NUF2: variants seen among roughly 807,000 people sequenced by gnomAD.
NUF2 encodes NUF2 component of NDC80 kinetochore complex.
NUF2 carries 34 observed loss-of-function variants against 61.8 expected under a neutral mutation model. That is an observed-to-expected ratio of 0.55 (90% CI 0.42 to 0.73). The LOEUF (loss-of-function observed/expected upper bound fraction) is 0.73. Among genes scored for constraint, NUF2 ranks in the 30% least tolerant of loss-of-function variants. NUF2 has a pLI of 0.00. For synonymous variants in NUF2, 172 were observed against 181.6 expected, an observed-to-expected ratio of 0.95 and a Z score of 0.42; for missense variants, 445 against 539.1, an observed-to-expected ratio of 0.83 and a Z score of 1.73.
intron 1 of NUF2, among the ~76,000 whole-genome samples, chr1:163,324,198 G>A (rs565425584): frequency 7.6e-4 from 116 of 152,304 alleles, no homozygotes; most frequent in Admixed American, 1.5e-3. Flanking sequence ...CTTAGCAGAG[G>A]TGTAATAGCT....
intron 5 of NUF2, among the ~76,000 whole-genome samples, chr1:163,335,565 G>GT (rs1553231318): frequency 2.0e-3 from 295 of 150,332 alleles, no homozygotes; most frequent in East Asian, 0.018. Context: ...TTTGTTTTTG[G>GT]TTTTTTTTTG....
intron 5 of NUF2, among the ~76,000 whole-genome samples, chr1:163,330,325 G>T (rs1650553255): frequency 6.6e-6 from 1 of 152,108 alleles, no homozygotes; most frequent in Non-Finnish European, 1.5e-5. Context: ...TTCCTGTTTA[G>T]ATTTACTTTG....
chr1:163,335,355 T>A (rs1235082874), intron 5 of NUF2, among the ~76,000 whole-genome samples: 1 of 152,168 alleles, frequency 6.6e-6, no homozygotes, highest in Non-Finnish European at 1.5e-5. Flanking sequence ...ATAGAATTCT[T>A]AGTTGACAGT....
intron 7 of NUF2, among the ~76,000 whole-genome samples, chr1:163,338,469 T>C (rs1650835325): frequency 6.6e-6 from 1 of 151,960 alleles, no homozygotes. Flanking sequence ...TACAACAAAG[T>C]TTTCATTTAT....
chr1:163,325,593 T>C, intron 1 of NUF2, among the ~76,000 whole-genome samples: 1 of 152,224 alleles, frequency 6.6e-6, no homozygotes, highest in East Asian at 1.9e-4. Context: ...ATGTCAAAAC[T>C]GAATACAATT....
At chr1:163,353,930 G>A (rs1651408730) in intron 13 of NUF2, among the ~76,000 whole-genome samples, 1 of 151,992 alleles carries the variant, frequency 6.6e-6, no homozygotes, top group African/African-American at 2.4e-5. Flanking sequence ...TGAAATGGTT[G>A]GTTCAGATAC....
intron 11 of NUF2, 52 bp downstream of exon 11, chr1:163,345,870 G>T (rs1461595257): frequency 7.8e-7 from 1 of 1,283,012 alleles, no homozygotes; most frequent in Non-Finnish European, 1.1e-6. Flanking sequence ...GCTTACTATA[G>T]TTCCTTGTAT....
At chr1:163,339,567 T>C (rs1425291250) in intron 8 of NUF2, 90 bp downstream of exon 8, 2 of 718,172 alleles carry the variant, frequency 2.8e-6, no homozygotes, top group Non-Finnish European at 4.9e-6. Flanking sequence ...GCACATTGCT[T>C]TCTCTATTAC....
chr1:163,336,493 A>G (rs545860313), intron 5 of NUF2, among the ~76,000 whole-genome samples: 17 of 151,918 alleles, frequency 1.1e-4, no homozygotes, highest in African/African-American at 4.1e-4. Flanking sequence ...TTGTTTTTCT[A>G]GTTTTTTAAT....
intron 4 of NUF2, 69 bp downstream of exon 4, chr1:163,328,373 A>T: frequency 9.1e-6 from 9 of 989,254 alleles, no homozygotes; most frequent in Non-Finnish European, 1.4e-5. Flanking sequence ...TTTCTTAATG[A>T]CATGGTTTTC....
intron 5 of NUF2, among the ~76,000 whole-genome samples, chr1:163,332,558 A>G (rs1357642324): frequency 6.6e-6 from 1 of 152,144 alleles, no homozygotes; most frequent in African/African-American, 2.4e-5. Context: ...ACTCCTTCAG[A>G]TGGCTCTAGG....
intron 13 of NUF2, among the ~76,000 whole-genome samples, chr1:163,349,910 G>T (rs1446360654): frequency 1.4e-5 from 2 of 145,462 alleles, no homozygotes; most frequent in African/African-American, 2.5e-5. Context: ...TCTGTTTTTT[G>T]TTTTTTTTTT....
intron 1 of NUF2, among the ~76,000 whole-genome samples, chr1:163,324,727 C>A (rs1252986897): frequency 6.6e-6 from 1 of 152,038 alleles, no homozygotes; most frequent in African/African-American, 2.4e-5. Flanking sequence ...GCTGTTACTA[C>A]TGCTATTTTT....
intron 8 of NUF2, 82 bp from the exon 9 acceptor site, chr1:163,340,282 A>G (rs529288359): frequency 9.8e-6 from 10 of 1,022,620 alleles, no homozygotes; most frequent in Non-Finnish European, 1.5e-5. Context: ...CTCCTTTCTT[A>G]CCTTAATTTT....
At position 163,338,138 on chromosome 1, in the gene NUF2, C is replaced by G. The variant is rs1234130949; in HGVS notation, c.509+45C>G. On this transcript the variant is annotated intron_variant, in intron 7 of 13. Transcript: ENST00000271452. ...GTAAAATAAATGCAATTTCAAAATG[C>G]AAAATGAATTGTAAGTAGTATTTTA... The G allele has an allele frequency of 2.8e-6, 4 of 1,451,144 alleles. 1 individual carries two copies. In the South Asian group the frequency reaches 4.6e-5, roughly 17 times the overall value. The allele number at this position is 1,451,144 out of a possible 1,614,324, so 89.9% of individuals were successfully genotyped here. A position where few individuals can be genotyped will look rare whatever the true frequency, so the allele number is the denominator to read the frequency against.
At chr1:163,327,181 C>A (rs901279358) in intron 2 of NUF2, among the ~76,000 whole-genome samples, 1 of 151,762 alleles carries the variant, frequency 6.6e-6, no homozygotes, top group African/African-American at 2.4e-5. Flanking sequence ...TGCCTGACAG[C>A]CTGTTCTGAA....
intron 5 of NUF2, among the ~76,000 whole-genome samples, chr1:163,329,925 T>C (rs987664544): frequency 1.3e-5 from 2 of 152,090 alleles, no homozygotes; most frequent in Non-Finnish European, 2.9e-5. Context: ...TAAATGCATA[T>C]TATTAAGTGA....
chr1:163,326,227 G>T, intron 2 of NUF2, 53 bp downstream of exon 2: 2 of 1,581,000 alleles, frequency 1.3e-6, no homozygotes, highest in Non-Finnish European at 1.7e-6. Context: ...GAAAAAGTAA[G>T]CTACTAGGTC....
chr1:163,331,257 C>T (rs535201671), intron 5 of NUF2, among the ~76,000 whole-genome samples: 16 of 151,816 alleles, frequency 1.1e-4, no homozygotes, highest in East Asian at 5.8e-4. Context: ...AATGCCTTTT[C>T]GGCCTCTAGT....
Sources: gnomAD v4.1 joint callset for allele counts (sites outside exome capture counted in the v4.1 genomes callset) on GRCh38, gnomAD v4.1.1 for gene constraint, MANE v1.5 for transcripts, NCBI Gene and HGNC (gene_info 2026-07-23, HGNC 2026-07-21) for gene names.